Variants in ORC4 observed in about 807,000 individuals in gnomAD.
The protein encoded by ORC4 is origin recognition complex subunit 4, also known as origin recognition complex, subunit 4 homolog.
A neutral mutation model predicts 63.9 loss-of-function variants in ORC4; 55 were observed. The ratio of observed to expected loss-of-function variants is 0.86; its 90% confidence interval spans 0.69 to 1.08. The LOEUF is 1.08. Ranked by LOEUF, ORC4 falls within the 50% of genes least tolerant of loss-of-function variation. The pLI is 0.00. For missense variants in ORC4, 511 were observed against 504.4 expected (o/e 1.01, Z -0.13); for synonymous variants, 150 against 168.5 (o/e 0.89, Z 0.85).
At chr2:148,011,553 G>A (rs1338052110) in intron 1 of ORC4, among the ~76,000 whole-genome samples, 1 of 152,106 alleles carries the variant, frequency 6.6e-6, no homozygotes. Context: ...CTTTATTCTA[G>A]GATCTAGAAG....
chr2:147,940,426 G>T (rs1351077349), intron 10 of ORC4, among the ~76,000 whole-genome samples: 6 of 152,056 alleles, frequency 3.9e-5, no homozygotes, highest in Admixed American at 3.3e-4. Context: ...CAGAGGAAAA[G>T]AAGTTATTAT....
intron 1 of ORC4, among the ~76,000 whole-genome samples, chr2:147,983,217 G>A (rs552698947): frequency 9.9e-5 from 15 of 152,218 alleles, no homozygotes; most frequent in African/African-American, 3.4e-4. Flanking sequence ...GCACTCTTGG[G>A]TACTTACCTG....
chr2:147,931,985 G>A lies in ORC4; in HGVS notation c.*3525C>T, dbSNP rs974879231. On this transcript the variant is annotated 3_prime_UTR_variant, in exon 14 of 14. Transcript: ENST00000392857. ...AATTAGGCAGGAGAAGGAAATAAAG[G>A]GTATTCAATTAGGAAAAGAGGAAGT... 1 of 151,880 alleles carries A rather than the reference G, an allele frequency of 6.6e-6. No individual in the cohort carries two copies. Among genetic ancestry groups the A allele is most frequent in the Non-Finnish European group, 1.5e-5 (1 of 67,986 alleles). 9.4% of individuals were successfully genotyped at this position (151,880 alleles called of 1,614,324 possible).
At chr2:147,969,420 C>T (rs1318890791) in intron 4 of ORC4, among the ~76,000 whole-genome samples, 1 of 151,876 alleles carries the variant, frequency 6.6e-6, no homozygotes, top group Non-Finnish European at 1.5e-5. Context: ...TATTATGAGT[C>T]AATTTAAAAA....
intron 8 of ORC4, among the ~76,000 whole-genome samples, chr2:147,949,659 T>A (rs1320884474): frequency 1.3e-5 from 2 of 152,152 alleles, no homozygotes; most frequent in African/African-American, 4.8e-5. Flanking sequence ...AATATATTTT[T>A]AAAGAGCTCT....
chr2:147,988,306 A>C (rs1174332234), intron 1 of ORC4, among the ~76,000 whole-genome samples: 1 of 151,918 alleles, frequency 6.6e-6, no homozygotes, highest in East Asian at 1.9e-4. Context: ...ATTAATACAC[A>C]ATGTAGGTAT....
chr2:147,939,120 A>G lies in ORC4; in HGVS notation c.958+20T>C. On this transcript the variant is annotated intron_variant, in intron 11 of 13. Transcript: ENST00000392857. ...AAAGTTTTAAAAACCACAATTTAAA[A>G]AATAAGGCTGGGTTCTCACCATGTA... 6.9e-7 allele frequency: 1 copy of G among 1,449,608 alleles called. No homozygotes were observed. The highest frequency in any genetic ancestry group is 9.7e-7 in the Non-Finnish European group (1 of 1,030,486). The allele number at this position is 1,449,608 out of a possible 1,614,324, so 89.8% of individuals were successfully genotyped here. A position where few individuals can be genotyped will look rare whatever the true frequency, so the allele number is the denominator to read the frequency against.
At position 148,018,304 on chromosome 2, in the gene ORC4, T is replaced by C. The variant is rs1693437589; in HGVS notation, c.-18+2329A>G. 2.6e-5 allele frequency among the ~76,000 whole-genome samples: 4 copies of C among 152,098 alleles called. No homozygotes were observed. In the South Asian group the frequency reaches 8.3e-4, roughly 32 times the overall value. ...TCATCAAGTTGGGAAAAAGGAAAAA[T>C]AACTCTTGGTGAGACAGTAAAAGTA... On this transcript the variant is annotated intron_variant, in intron 1 of 13. Transcript: ENST00000392857.
intron 2 of ORC4, 133 bp from the exon 3 acceptor site, chr2:147,973,657 T>C (rs912347343): frequency 1.5e-5 from 9 of 591,664 alleles, no homozygotes; most frequent in Non-Finnish European, 2.7e-5. Flanking sequence ...ATTCTTATCC[T>C]CTAGAGTTCT....
rs1373632101 is a variant in ORC4 at position 147,931,427 on chromosome 2, G to T, written c.*4083C>A. ...TCCAGTTCTAGATCCCTGAGGAATCGCCACACTGACTTCCACAATGGTTGA... is the reference window on the plus strand; with the variant it reads ...TCCAGTTCTAGATCCCTGAGGAATCTCCACACTGACTTCCACAATGGTTGA... On this transcript the variant is annotated 3_prime_UTR_variant, in exon 14 of 14. Coordinates refer to ENST00000392857, the MANE Select transcript of ORC4 (RefSeq NM_181741.4). 10 of 152,000 alleles carry T rather than the reference G, an allele frequency of 6.6e-5. No individual in the cohort carries two copies. The highest frequency in any genetic ancestry group is 2.1e-4 in the South Asian group (1 of 4,818). 9.4% of individuals were successfully genotyped at this position (152,000 alleles called of 1,614,324 possible). A position where few individuals can be genotyped will look rare whatever the true frequency, so the allele number is the denominator to read the frequency against.
At chr2:147,984,949 G>A (rs915992523) in intron 1 of ORC4, among the ~76,000 whole-genome samples, 2 of 152,040 alleles carry the variant, frequency 1.3e-5, no homozygotes, top group Admixed American at 1.3e-4. Flanking sequence ...CTTATTTATT[G>A]TAATTCTCCA....
chr2:147,950,562 C>A (rs1398853204), intron 8 of ORC4, among the ~76,000 whole-genome samples: 1 of 151,854 alleles, frequency 6.6e-6, no homozygotes, highest in Non-Finnish European at 1.5e-5. Context: ...GTCAGGAGTT[C>A]GAGAGCAGCC....
chr2:148,010,620 C>T (rs1478717082), intron 1 of ORC4, among the ~76,000 whole-genome samples: 1 of 151,986 alleles, frequency 6.6e-6, no homozygotes, highest in African/African-American at 2.4e-5. Flanking sequence ...TAGGCACATA[C>T]AGCCTAAGAA....
chr2:148,009,320 T>C (rs1192808996), intron 1 of ORC4, among the ~76,000 whole-genome samples: 1 of 152,126 alleles, frequency 6.6e-6, no homozygotes, highest in South Asian at 2.1e-4. Flanking sequence ...ATAATAATAC[T>C]GAATGTGAAT....
rs576604314 is a variant in ORC4 at position 147,946,700 on chromosome 2, C to A, written c.762+1351G>T. Reference sequence around the variant, plus strand: ...AGATAATGTCAGCTATTTTTACATACAATTATGTATAGTTGTATTAAGAAA... The same window carrying A: ...AGATAATGTCAGCTATTTTTACATAAAATTATGTATAGTTGTATTAAGAAA... On this transcript the variant is annotated intron_variant, in intron 9 of 13. Transcript: ENST00000392857. 6.6e-5 allele frequency among the ~76,000 whole-genome samples: 10 copies of A among 151,954 alleles called. No individual in the cohort carries two copies. The South Asian group carries it at 2.1e-3, about 32-fold the overall frequency.
intron 9 of ORC4, 24 bp downstream of exon 9, chr2:147,948,027 T>G: frequency 6.3e-7 from 1 of 1,588,594 alleles, no homozygotes; most frequent in Non-Finnish European, 8.6e-7. Flanking sequence ...AAGGAACATT[T>G]AGCTTTATTG....
At chr2:147,980,669 T>C (rs1295832189) in intron 1 of ORC4, among the ~76,000 whole-genome samples, 2 of 152,124 alleles carry the variant, frequency 1.3e-5, no homozygotes, top group Non-Finnish European at 1.5e-5. Context: ...TGAGATAACA[T>C]TTCACACCTG....
chr2:147,947,482 A>T (rs2105284389), intron 9 of ORC4, among the ~76,000 whole-genome samples: 1 of 152,148 alleles, frequency 6.6e-6, no homozygotes, highest in South Asian at 2.1e-4. Flanking sequence ...AGGTGTGGCA[A>T]ATCTTTAAAA....
At chr2:148,021,075 ACC>A (rs1019754623), upstream of ORC4, 1 of 143,178 alleles carries the variant, frequency 7.0e-6, no homozygotes, top group African/African-American at 2.6e-5. Context: ...TTCTACCCGA[ACC>A]CCCCCTCCCC....
Sources: gnomAD v4.1 joint callset for allele counts (sites outside exome capture counted in the v4.1 genomes callset) on GRCh38, gnomAD v4.1.1 for gene constraint, MANE v1.5 for transcripts, NCBI Gene and HGNC (gene_info 2026-07-23, HGNC 2026-07-21) for gene names.